Variants in DPP9 observed in about 807,000 individuals in gnomAD.
The protein encoded by DPP9 is dipeptidyl peptidase 9.
A neutral mutation model predicts 110.7 loss-of-function variants in DPP9; 50 were observed. The observed-to-expected ratio is 0.45, with a 90% CI of 0.36 to 0.57. DPP9 has a LOEUF of 0.57. Ranked by LOEUF, DPP9 falls within the 20% of genes least tolerant of loss-of-function variation. The pLI is 0.00. For missense variants in DPP9, 1,022 were observed against 1,217.9 expected (o/e 0.84, Z 2.39); for synonymous variants, 561 against 514.4 (o/e 1.09, Z -1.23).
At chr19:4,702,439 G>C (rs2092321212) in intron 8 of DPP9, among the ~76,000 whole-genome samples, 164 bp downstream of exon 8, 1 of 152,142 alleles carries the variant, frequency 6.6e-6, no homozygotes. Context: ...CCCTCTTAGG[G>C]CAACAGCGAT....
chr19:4,678,198 C>T (rs1446883958), intron 21 of DPP9, among the ~76,000 whole-genome samples: 2 of 152,098 alleles, frequency 1.3e-5, no homozygotes, highest in Admixed American at 6.5e-5. Context: ...CTGGAACCTC[C>T]GCCTCCCAGG....
chr19:4,701,976 C>T, intron 9 of DPP9, 51 bp downstream of exon 9: 1 of 1,592,546 alleles, frequency 6.3e-7, no homozygotes, highest in Admixed American at 1.7e-5. Flanking sequence ...CAGCCATGCC[C>T]CAGGGGCCTC....
intron 14 of DPP9, among the ~76,000 whole-genome samples, chr19:4,690,231 G>T (rs1409808476): frequency 6.6e-6 from 1 of 152,222 alleles, no homozygotes; most frequent in African/African-American, 2.4e-5. Flanking sequence ...GAGCAGCGGG[G>T]CCCCTCCTTC....
intron 10 of DPP9, among the ~76,000 whole-genome samples, chr19:4,699,500 G>A (rs1239166920): frequency 6.6e-6 from 1 of 152,158 alleles, no homozygotes; most frequent in African/African-American, 2.4e-5. Flanking sequence ...GCAGGGATGT[G>A]AGAGAAGGGA....
intron 20 of DPP9, among the ~76,000 whole-genome samples, chr19:4,680,905 T>C (rs1420392085): frequency 6.6e-6 from 1 of 152,008 alleles, no homozygotes; most frequent in Non-Finnish European, 1.5e-5. Flanking sequence ...TGCAGTGAGC[T>C]GAGATTAAGC....
intron 7 of DPP9, among the ~76,000 whole-genome samples, chr19:4,702,967 G>A (rs924776458): frequency 2.4e-4 from 36 of 151,798 alleles, no homozygotes; most frequent in African/African-American, 8.4e-4. Context: ...CCAGGGCACA[G>A]CAGGGTGCTG....
intron 4 of DPP9, among the ~76,000 whole-genome samples, chr19:4,708,878 A>C (rs942393494): frequency 6.6e-6 from 1 of 152,134 alleles, no homozygotes; most frequent in African/African-American, 2.4e-5. Context: ...CCGTGACACA[A>C]GTTTACCCAA....
At chr19:4,720,468 T>C (rs564596649) in intron 2 of DPP9, among the ~76,000 whole-genome samples, 1 of 152,342 alleles carries the variant, frequency 6.6e-6, no homozygotes, top group African/African-American at 2.4e-5. Flanking sequence ...TGGCTCCTGA[T>C]ACCACCTCTT....
At chr19:4,681,953 A>G (rs2089961877) in intron 20 of DPP9, among the ~76,000 whole-genome samples, 1 of 144,182 alleles carries the variant, frequency 6.9e-6, no homozygotes, top group African/African-American at 2.6e-5. Flanking sequence ...GGTTCACGCC[A>G]TTCTCCTGCC....
chr19:4,678,229 C>T (rs1470356625), intron 21 of DPP9, among the ~76,000 whole-genome samples: 1 of 152,166 alleles, frequency 6.6e-6, no homozygotes, highest in African/African-American at 2.4e-5. Flanking sequence ...TCTCCTGCCT[C>T]AGCCTCCCGA....
chr19:4,722,036 G>T (rs569763473), intron 2 of DPP9, among the ~76,000 whole-genome samples: 1 of 152,258 alleles, frequency 6.6e-6, no homozygotes, highest in Non-Finnish European at 1.5e-5. Flanking sequence ...CAAGGGAATT[G>T]AATGAGACTG....
intron 3 of DPP9, 135 bp downstream of exon 3, chr19:4,719,716 C>T: frequency 1.9e-6 from 2 of 1,049,778 alleles, no homozygotes; most frequent in Non-Finnish European, 2.8e-6. Context: ...CTTGAAATAA[C>T]CAGAACAGTC....
intron 18 of DPP9, 74 bp from the exon 19 acceptor site, chr19:4,683,703 C>T (rs2090259633): frequency 1.2e-6 from 2 of 1,612,356 alleles, no homozygotes; most frequent in Non-Finnish European, 1.7e-6. Flanking sequence ...CACCTCTGCT[C>T]CTTTCAGGGC....
In DPP9 at chr19:4,685,798, C is replaced by T. The variant is rs1240595974; in HGVS notation, c.1886-27G>A. On this transcript the variant is annotated intron_variant, in intron 16 of 21. Transcript: ENST00000262960. The surrounding 1 kb of genome is among the most constrained non-coding windows in gnomAD (Gnocchi z 5.8). ...TGCGGGAGACAGGGCGGCTATCTGGCTGCCCGGGGAAGCCACATCCAGCTG... is the reference window on the plus strand; with the variant it reads ...TGCGGGAGACAGGGCGGCTATCTGGTTGCCCGGGGAAGCCACATCCAGCTG... 1.2e-6 allele frequency: 2 copies of T among 1,607,218 alleles called. No homozygotes were observed. Among genetic ancestry groups the T allele is most frequent in the Admixed American group, 1.7e-5 (1 of 59,844 alleles).
At position 4,684,882 on chromosome 19, in the gene DPP9, T is replaced by C. The variant is rs1568304028; in HGVS notation, c.2032-73A>G. On this transcript the variant is annotated intron_variant, in intron 17 of 21. Coordinates refer to ENST00000262960, the MANE Select transcript of DPP9 (RefSeq NM_139159.5). This position sits in a 1 kb window ranked among gnomAD's most constrained non-coding sequence, Gnocchi z 4.8. ...ACGGGCCTGGCAGGGGAGATGCCGG[T>C]GGGCTGGGGACCGGGCCGGGCTGGG... The C allele has an allele frequency of 6.5e-7, 1 of 1,546,448 alleles. No homozygotes were observed. Among genetic ancestry groups the C allele is most frequent in the Admixed American group, 2.0e-5 (1 of 51,152 alleles).
At position 4,704,070 on chromosome 19, in the gene DPP9, C is replaced by T; in HGVS notation, c.601-16G>A. On this transcript the variant is annotated splice_polypyrimidine_tract_variant and intron_variant, in intron 6 of 21. Transcript: ENST00000262960. This position sits in a 1 kb window ranked among gnomAD's most constrained non-coding sequence, Gnocchi z 6.0. ...TAGGGGACACCTGAGGACAGAGACG[C>T]CCAGCTCAGGGGGAGGGGCCCTCCA... 1 of 1,613,780 alleles carries T rather than the reference C, an allele frequency of 6.2e-7. No individual in the cohort carries two copies.
At chr19:4,702,866 G>GGGAGAGGGAA (rs2092366988) in intron 7 of DPP9, 150 bp from the exon 8 acceptor site, 1 of 255,502 alleles carries the variant, frequency 3.9e-6, no homozygotes, top group African/African-American at 2.4e-5. Flanking sequence ...GGGAGAGGGA[G>GGGAGAGGGAA]GGAGAGCTCG....
At chr19:4,705,546 AG>A (rs2145779255) in intron 5 of DPP9, among the ~76,000 whole-genome samples, 1 of 152,372 alleles carries the variant, frequency 6.6e-6, no homozygotes, top group African/African-American at 2.4e-5. Context: ...AACTATCCCC[AG>A]AGAGCCAACA....
In DPP9 at chr19:4,722,385, A is replaced by G. The variant is rs1478552347; in HGVS notation, c.-36+114T>C. 4.7e-6 allele frequency: 3 copies of G among 635,560 alleles called. No individual in the cohort carries two copies. In the African/African-American group the frequency reaches 5.5e-5, roughly 12 times the overall value. The allele number at this position is 635,560 out of a possible 1,614,324, so 39.4% of individuals were successfully genotyped here. ...AGCCACTGCCCTGCGGAGGACAACC[A>G]TCCAGGGCCATAGAAAACCATTTCC... On this transcript the variant is annotated intron_variant, in intron 2 of 21. Transcript: ENST00000262960.
Sources: allele counts gnomAD v4.1 joint callset (sites outside exome capture counted in the v4.1 genomes callset), GRCh38; gene constraint gnomAD v4.1.1; non-coding constraint Gnocchi (gnomAD v3.1); transcripts MANE v1.5; gene names NCBI Gene and HGNC (gene_info 2026-07-23, HGNC 2026-07-21).